LOXL2: variants seen among roughly 807,000 people sequenced by gnomAD.
LOXL2 encodes lysyl oxidase like 2.
LOXL2 carries 70 observed loss-of-function variants against 93.0 expected under a neutral mutation model. The ratio of observed to expected loss-of-function variants is 0.75; its 90% CI spans 0.62 to 0.92. The LOEUF (loss-of-function observed/expected upper bound fraction) is 0.92, where lower values mean the gene tolerates loss of function less well. Among genes scored for constraint, LOXL2 ranks in the 40% least tolerant of loss-of-function variants. LOXL2 has a pLI of 0.00. For missense variants in LOXL2, 973 were observed against 1,054.9 expected, an observed-to-expected ratio of 0.92 and a Z score of 1.08; for synonymous variants, 438 against 413.2, an observed-to-expected ratio of 1.06 and a Z score of -0.73.
intron 12 of LOXL2, among the ~76,000 whole-genome samples, chr8:23,300,656 G>C (rs968808527): frequency 1.3e-5 from 2 of 152,170 alleles, no homozygotes; most frequent in Non-Finnish European, 2.9e-5. Context: ...TATTGTTTAG[G>C]GGTTGAGAAA....
At chr8:23,311,596 G>A (rs952123256) in intron 9 of LOXL2, among the ~76,000 whole-genome samples, 1 of 152,340 alleles carries the variant, frequency 6.6e-6, no homozygotes, top group Non-Finnish European at 1.5e-5. Context: ...GGTAGCCTGA[G>A]ATGTGCAATC....
intron 3 of LOXL2, among the ~76,000 whole-genome samples, chr8:23,359,378 T>C (rs934633557): frequency 7.2e-5 from 11 of 152,208 alleles, no homozygotes; most frequent in African/African-American, 2.2e-4. Context: ...GTTCTTTCTC[T>C]CACTCTCCTT....
rs770424807 is a variant in LOXL2, at chr8:23,354,932, A to AATATATATAT, written c.531+5148_531+5157dup. The stretch of plus-strand genomic sequence containing the variant: ...TCTCCGCCTTGGCTCTGGGAGTTGG[A>AATATATATAT]ATATATATATATATATATTTTTTTT... On this transcript the variant is annotated intron_variant, in intron 3 of 13. Coordinates refer to ENST00000389131, the MANE Select transcript of LOXL2 (RefSeq NM_002318.3). 2.9e-3 allele frequency among the ~76,000 whole-genome samples: 174 copies of AATATATATAT among 59,162 alleles called. 7 individuals are homozygous for AATATATATAT. The highest frequency in any genetic ancestry group is 9.4e-3 in the Middle Eastern group (1 of 106). 38.8% of individuals were successfully genotyped at this position (59,162 alleles called of 152,430 possible).
At chr8:23,321,719 G>A (rs1585349225) in intron 7 of LOXL2, 1 of 168,386 alleles carries the variant, frequency 5.9e-6, no homozygotes, top group East Asian at 1.6e-4. Context: ...AGAAGGGAGC[G>A]AAGTGTGTGG....
intron 1 of LOXL2, among the ~76,000 whole-genome samples, chr8:23,387,722 G>A (rs556572535): frequency 1.3e-5 from 2 of 152,302 alleles, no homozygotes; most frequent in Admixed American, 1.3e-4. Context: ...GGCTGAGGCA[G>A]GTGGATCACT....
rs1363171608 is a variant in LOXL2, at chr8:23,296,993, G to A, written c.*1050C>T. Among the ~76,000 whole-genome samples the A allele has an allele frequency of 1.3e-5, 2 of 152,150 alleles. No homozygotes were observed. The highest frequency in any genetic ancestry group is 2.4e-5 in the African/African-American group (1 of 41,428). On this transcript the variant is annotated 3_prime_UTR_variant, in exon 14 of 14. Coordinates refer to ENST00000389131, the MANE Select transcript of LOXL2 (RefSeq NM_002318.3). ...TTAGATTGCTTCTCCCAGATGGTAG[G>A]AGCTGCCCCTTTTGGAGTCTATTGA...
intron 10 of LOXL2, among the ~76,000 whole-genome samples, chr8:23,306,747 AGGTGGGAGAGCCAAGCCCCTT>A (rs1803236247): frequency 6.6e-6 from 1 of 152,214 alleles, no homozygotes; most frequent in African/African-American, 2.4e-5. Flanking sequence ...GATTCCCCCG[AGGTGGGAGAGCCAAGCCCCTT>A]GGCCTGTGGA....
intron 2 of LOXL2, chr8:23,364,206 A>G (rs1169340836): frequency 2.0e-5 from 3 of 152,064 alleles, no homozygotes; most frequent in African/African-American, 7.2e-5. Flanking sequence ...CTTAGTGCTT[A>G]TTAACTAGAC....
chr8:23,374,163 T>C (rs951099134), intron 1 of LOXL2, among the ~76,000 whole-genome samples: 1 of 138,458 alleles, frequency 7.2e-6, no homozygotes, highest in Non-Finnish European at 1.5e-5. Context: ...AGTGTTCTCA[T>C]TGTTCAATTC....
intron 1 of LOXL2, among the ~76,000 whole-genome samples, chr8:23,378,123 AG>A (rs2117223021): frequency 6.6e-6 from 1 of 152,300 alleles, no homozygotes; most frequent in South Asian, 2.1e-4. Context: ...GAGCTCTTGT[AG>A]GGCAGGCCTG....
chr8:23,380,736 G>T (rs1223814221), intron 1 of LOXL2, among the ~76,000 whole-genome samples: 8 of 152,136 alleles, frequency 5.3e-5, no homozygotes, highest in Non-Finnish European at 1.2e-4. Context: ...AATAAGGGCT[G>T]GGCACAGTGG....
intron 6 of LOXL2, 55 bp downstream of exon 6, chr8:23,328,327 T>C: frequency 5.1e-6 from 8 of 1,580,000 alleles, no homozygotes; most frequent in Non-Finnish European, 6.9e-6. Flanking sequence ...CAGGCTGGGC[T>C]CACGGCACCA....
At chr8:23,347,537 C>T (rs1804014611) in intron 3 of LOXL2, among the ~76,000 whole-genome samples, 1 of 152,094 alleles carries the variant, frequency 6.6e-6, no homozygotes, top group South Asian at 2.1e-4. Context: ...GTAATCCCAG[C>T]TACTTGGGAG....
intron 1 of LOXL2, among the ~76,000 whole-genome samples, chr8:23,388,623 TCACACACACACA>T (rs10522826): frequency 0.075 from 10,778 of 142,820 alleles, 514 homozygotes; most frequent in African/African-American, 0.12. Context: ...AAAAATATAC[TCACACACACACA>T]CACACACACA....
chr8:23,361,453 C>A (rs1461925674), intron 2 of LOXL2, among the ~76,000 whole-genome samples: 2 of 152,070 alleles, frequency 1.3e-5, no homozygotes, highest in Admixed American at 1.3e-4. Flanking sequence ...TGTTTTTTTG[C>A]CTCACTTGCA....
chr8:23,373,040 C>G (rs913012698), intron 1 of LOXL2, among the ~76,000 whole-genome samples: 4 of 152,160 alleles, frequency 2.6e-5, no homozygotes. Flanking sequence ...CAACAGAATT[C>G]AGCTATAAAC....
chr8:23,314,874 CA>C (rs1406877675), intron 9 of LOXL2, among the ~76,000 whole-genome samples: 1 of 151,382 alleles, frequency 6.6e-6, no homozygotes, highest in Non-Finnish European at 1.5e-5. Context: ...AAAACAACAA[CA>C]AAAAACAAGT....
At chr8:23,384,637 G>A (rs571597677) in intron 1 of LOXL2, among the ~76,000 whole-genome samples, 8 of 152,178 alleles carry the variant, frequency 5.3e-5, no homozygotes, top group African/African-American at 1.2e-4. Context: ...TCCAGCGGCC[G>A]GGCGTGGTAG....
chr8:23,330,368 CA>C (rs952200718), intron 5 of LOXL2, among the ~76,000 whole-genome samples: 3 of 151,078 alleles, frequency 2.0e-5, no homozygotes, highest in African/African-American at 7.3e-5. Flanking sequence ...CAAAATAAAA[CA>C]AAAAAAATCC....
Sources: gnomAD v4.1 joint callset for allele counts (sites outside exome capture counted in the v4.1 genomes callset) on GRCh38, gnomAD v4.1.1 for gene constraint, MANE v1.5 for transcripts, NCBI Gene and HGNC (gene_info 2026-07-23, HGNC 2026-07-21) for gene names.